The following KIAA0825 variants were observed in gnomAD, a reference collection of about 807,000 sequenced individuals.
The protein encoded by KIAA0825 is KIAA0825.
In KIAA0825, 119 loss-of-function variants were observed where a neutral mutation model predicts 147.6. That is an observed-to-expected ratio of 0.81 (90% confidence interval 0.69 to 0.94). The LOEUF is 0.94. Among genes scored for constraint, KIAA0825 ranks in the 40% least tolerant of loss-of-function variants. KIAA0825 has a pLI of 0.00. For synonymous variants in KIAA0825, 470 were observed against 518.1 expected, an observed-to-expected ratio of 0.91 and a Z score of 1.26; for missense variants, 1,381 against 1,472.7, an observed-to-expected ratio of 0.94 and a Z score of 1.02.
At chr5:94,397,986 T>A (rs1311514702) in intron 16 of KIAA0825, among the ~76,000 whole-genome samples, 3 of 151,448 alleles carry the variant, frequency 2.0e-5, no homozygotes, top group Admixed American at 1.3e-4. Context: ...CTTTCCTTCC[T>A]CTCTCCCTCC....
chr5:94,188,153 G>A (rs182725114), intron 20 of KIAA0825, among the ~76,000 whole-genome samples: 25 of 152,222 alleles, frequency 1.6e-4, no homozygotes, highest in African/African-American at 5.8e-4. Flanking sequence ...CACCCTGATC[G>A]TGACTCCCAG....
chr5:94,334,786 A>G (rs1350830212), intron 20 of KIAA0825, among the ~76,000 whole-genome samples: 2 of 152,170 alleles, frequency 1.3e-5, no homozygotes, highest in Non-Finnish European at 2.9e-5. Context: ...ACCCGGCCAC[A>G]AACTACTTTT....
intron 1 of KIAA0825, among the ~76,000 whole-genome samples, chr5:94,583,241 C>T (rs1208022293): frequency 4.6e-5 from 7 of 152,174 alleles, no homozygotes; most frequent in African/African-American, 9.6e-5. Flanking sequence ...GTGGGATTTC[C>T]CTTTCCTAGC....
intron 20 of KIAA0825, among the ~76,000 whole-genome samples, chr5:94,257,820 T>C (rs1042953907): frequency 3.3e-5 from 5 of 152,012 alleles, no homozygotes; most frequent in African/African-American, 1.2e-4. Flanking sequence ...AGATCTTCAA[T>C]ATACAGTATT....
In KIAA0825 at chr5:94,391,650, T is replaced by A. The variant is rs1298922246; in HGVS notation, c.3341A>T (p.Asp1114Val). ...CTGCTCAGTCAGTTCAAGAGCAACA[T>A]CTCCTTCTTGTAAGGCCGTGCTTTT... ...IEKSTALQEG[D>V]VALELTEQKI... Residue 1114 changes from aspartate to valine, a missense_variant, in exon 18 of 21, where the codon GAT becomes GTT. By Grantham distance (152) the Asp-to-Val change is radical (BLOSUM62 -3). Coordinates refer to ENST00000682413, the MANE Select transcript of KIAA0825 (RefSeq NM_001145678.3). 6 of 1,550,912 alleles carry A rather than the reference T, an allele frequency of 3.9e-6. No homozygotes were observed. The highest frequency in any genetic ancestry group is 5.2e-6 in the Non-Finnish European group (6 of 1,146,574).
At chr5:94,216,170 T>G (rs1405565058) in intron 20 of KIAA0825, among the ~76,000 whole-genome samples, 1 of 152,184 alleles carries the variant, frequency 6.6e-6, no homozygotes, top group Admixed American at 6.6e-5. Context: ...ATTATTAGTT[T>G]GGAATTATAG....
chr5:94,331,164 G>GAGAA (rs1483946526), intron 20 of KIAA0825, among the ~76,000 whole-genome samples: 1 of 149,442 alleles, frequency 6.7e-6, no homozygotes, highest in East Asian at 2.0e-4. Flanking sequence ...GAGAGAGAGA[G>GAGAA]AGAAAGAAAG....
At chr5:94,388,565 A>C (rs938301379) in intron 18 of KIAA0825, among the ~76,000 whole-genome samples, 1 of 152,218 alleles carries the variant, frequency 6.6e-6, no homozygotes, top group Non-Finnish European at 1.5e-5. Flanking sequence ...TTATTGACAA[A>C]AAAGCTTTGT....
intron 20 of KIAA0825, among the ~76,000 whole-genome samples, chr5:94,318,910 C>A (rs191979276): frequency 5.3e-5 from 8 of 151,746 alleles, no homozygotes; most frequent in Non-Finnish European, 8.8e-5. Flanking sequence ...CATAATACTA[C>A]CCCTCCTTGT....
chr5:94,297,202 C>T (rs1369654536), intron 20 of KIAA0825, among the ~76,000 whole-genome samples: 10 of 152,194 alleles, frequency 6.6e-5, no homozygotes, highest in Non-Finnish European at 1.5e-4. Flanking sequence ...AACATAACCA[C>T]TCTAAATTGT....
chr5:94,322,555 A>ATT (rs1780293570), intron 20 of KIAA0825, among the ~76,000 whole-genome samples: 1 of 151,924 alleles, frequency 6.6e-6, no homozygotes, highest in East Asian at 1.9e-4. Flanking sequence ...TAGCAGTAAA[A>ATT]TTACTGAAAC....
chr5:94,219,714 G>T (rs1773519693), intron 20 of KIAA0825, among the ~76,000 whole-genome samples: 1 of 152,086 alleles, frequency 6.6e-6, no homozygotes, highest in South Asian at 2.1e-4. Context: ...ACTGGTAATT[G>T]TGTGTCTAAA....
At chr5:94,174,696 A>G (rs1469421164) in intron 20 of KIAA0825, among the ~76,000 whole-genome samples, 1 of 151,970 alleles carries the variant, frequency 6.6e-6, no homozygotes, top group African/African-American at 2.4e-5. Context: ...CCTTTTAAAT[A>G]AAAAAAACTC....
chr5:94,513,547 C>T (rs1485359147), intron 5 of KIAA0825, among the ~76,000 whole-genome samples: 2 of 152,128 alleles, frequency 1.3e-5, no homozygotes, highest in East Asian at 3.9e-4. Flanking sequence ...AAATTGCATA[C>T]ATGTTCTCTT....
chr5:94,361,775 C>G lies in KIAA0825; in HGVS notation c.3710+22593G>C, dbSNP rs144119133. ...TTGTTCCTGTTTCTTCCTCAGAAAC[C>G]CTTGGGGTCTATAAATTTAATTTGA... On this transcript the variant is annotated intron_variant, in intron 20 of 20. Transcript: ENST00000682413. Among the ~76,000 whole-genome samples, 66 of 152,124 alleles carry G rather than the reference C, an allele frequency of 4.3e-4. 1 individual carries two copies. The South Asian group carries it at 8.5e-3, about 20-fold the overall frequency.
intron 6 of KIAA0825, among the ~76,000 whole-genome samples, chr5:94,478,242 C>G (rs994659856): frequency 6.6e-6 from 1 of 151,984 alleles, no homozygotes; most frequent in Middle Eastern, 3.2e-3. Flanking sequence ...GCATAAAGTG[C>G]GTTAAAGGTA....
At chr5:94,489,290 G>T (rs1271506053) in intron 5 of KIAA0825, among the ~76,000 whole-genome samples, 2 of 152,110 alleles carry the variant, frequency 1.3e-5, no homozygotes, top group African/African-American at 4.8e-5. Flanking sequence ...GGGCAGTATG[G>T]TTCAGGATCT....
chr5:94,594,442 A>AT, intron 1 of KIAA0825: 5 of 736,412 alleles, frequency 6.8e-6, no homozygotes. Context: ...CATACAGTAG[A>AT]TTTTGAGTGT....
At chr5:94,411,128 A>G (rs561540930) in intron 15 of KIAA0825, among the ~76,000 whole-genome samples, 35 of 152,300 alleles carry the variant, frequency 2.3e-4, no homozygotes, top group Admixed American at 7.2e-4. Flanking sequence ...TCAGATGCAA[A>G]GTGGTATAAT....
Sources: gnomAD v4.1 joint callset for allele counts (sites outside exome capture counted in the v4.1 genomes callset) on GRCh38, gnomAD v4.1.1 for gene constraint, MANE v1.5 for transcripts, NCBI Gene and HGNC (gene_info 2026-07-23, HGNC 2026-07-21) for gene names.